Variants in SPC25 observed in about 807,000 individuals in gnomAD.
SPC25 encodes SPC25 component of NDC80 kinetochore complex.
Under a neutral mutation model 29.6 loss-of-function variants are expected in SPC25, and 22 were observed. That is an observed-to-expected ratio of 0.74 (90% CI 0.53 to 1.06). The LOEUF (loss-of-function observed/expected upper bound fraction) is 1.06, where lower values mean the gene tolerates loss of function less well. Among genes scored for constraint, SPC25 ranks in the 50% least tolerant of loss-of-function variants. SPC25 has a pLI of 0.00. For missense variants in SPC25, 230 were observed against 255.8 expected, an observed-to-expected ratio of 0.90 and a Z score of 0.69; for synonymous variants, 91 against 90.4, an observed-to-expected ratio of 1.01 and a Z score of -0.04.
chr2:168,870,248 A>G (rs553884769), downstream of SPC25, among the ~76,000 whole-genome samples: 2,395 of 151,930 alleles, frequency 0.016, 76 homozygotes, highest in African/African-American at 0.055. Flanking sequence ...TAAAACCATA[A>G]AAACCCTAGA....
At chr2:168,880,733 AC>A (rs1337682832) in intron 3 of SPC25, among the ~76,000 whole-genome samples, 1 of 152,208 alleles carries the variant, frequency 6.6e-6, no homozygotes, top group Admixed American at 6.5e-5. Flanking sequence ...ATTAGAGGTC[AC>A]TATAGGGTTA....
Position 168,871,422 on chromosome 2 carries a change from A to G in SPC25, c.*9T>C. ...AAAATAAACCGTTTTTATATACACT[A>G]TTTGTATGTTAATTATAAACCGTGG... On this transcript the variant is annotated 3_prime_UTR_variant, in exon 7 of 7. Coordinates refer to ENST00000282074, the MANE Select transcript of SPC25 (RefSeq NM_020675.4). 1 of 1,592,516 alleles carries G rather than the reference A, an allele frequency of 6.3e-7. No individual in the cohort carries two copies. The highest frequency in any genetic ancestry group is 1.7e-4 in the Middle Eastern group (1 of 5,932).
Position 168,871,404 on chromosome 2 carries a change from A to G in SPC25, c.*27T>C, listed in dbSNP as rs767697505. The G allele has an allele frequency of 2.0e-5, 32 of 1,561,214 alleles. No individual in the cohort carries two copies. In the East Asian group the frequency reaches 7.0e-4, roughly 34 times the overall value. On this transcript the variant is annotated 3_prime_UTR_variant, in exon 7 of 7. Coordinates refer to ENST00000282074, the MANE Select transcript of SPC25 (RefSeq NM_020675.4). Reference sequence around the variant, plus strand: ...GATATGTAATAGAGAAGAAAAATAAACCGTTTTTATATACACTATTTGTAT... The same window carrying G: ...GATATGTAATAGAGAAGAAAAATAAGCCGTTTTTATATACACTATTTGTAT...
chr2:168,877,183 G>A, intron 4 of SPC25, 55 bp downstream of exon 4: 1 of 1,585,134 alleles, frequency 6.3e-7, no homozygotes, highest in Non-Finnish European at 8.6e-7. Context: ...CTTAATAAAG[G>A]TGAACCGTCA....
intron 3 of SPC25, 91 bp from the exon 4 acceptor site, chr2:168,877,475 T>C: frequency 7.0e-7 from 1 of 1,419,764 alleles, no homozygotes; most frequent in African/African-American, 1.5e-5. Flanking sequence ...TTCATAAAGA[T>C]TAATAAAGAA....
Position 168,876,183 on chromosome 2 carries a change from A to G in SPC25, c.347-7T>C, listed in dbSNP as rs1397970020. 6.6e-7 allele frequency: 1 copy of G among 1,522,194 alleles called. No homozygotes were observed. 94.3% of individuals were successfully genotyped at this position (1,522,194 alleles called of 1,614,324 possible). A position where few individuals can be genotyped will look rare whatever the true frequency, so the allele number is the denominator to read the frequency against. The stretch of plus-strand genomic sequence containing the variant: ...TTATTAGCAGTAGAAATAGCTGATT[A>G]AAAAACACACACAATATTAAATGTT... On this transcript the variant is annotated splice_region_variant and splice_polypyrimidine_tract_variant and intron_variant, in intron 4 of 6. Coordinates refer to ENST00000282074, the MANE Select transcript of SPC25 (RefSeq NM_020675.4).
chr2:168,879,215 C>A (rs554231030), intron 3 of SPC25, among the ~76,000 whole-genome samples: 1 of 152,234 alleles, frequency 6.6e-6, no homozygotes, highest in Admixed American at 6.5e-5. Context: ...TTAATCAACT[C>A]TTTCATGAAA....
chr2:168,871,480 G>A lies in SPC25; in HGVS notation c.626C>T (p.Ala209Val). ...ENVRKTNNFS[A>V]FLANVRKAFT... ...AGCTTTCCGAACATTGGCAAGAAAA[G>A]CTGAAAAATTGTTGGTCTTCCTTAC... Residue 209 changes from alanine (A) to valine (V), a missense_variant, in exon 7 of 7, where the codon GCT becomes GTT. Coordinates refer to ENST00000282074, the MANE Select transcript of SPC25 (RefSeq NM_020675.4). 6.2e-7 allele frequency: 1 copy of A among 1,610,834 alleles called. No individual in the cohort carries two copies. Among genetic ancestry groups the A allele is most frequent in the Non-Finnish European group, 8.5e-7 (1 of 1,178,656 alleles).
At chr2:168,875,617 C>A (rs568965010) in intron 5 of SPC25, among the ~76,000 whole-genome samples, 2 of 152,112 alleles carry the variant, frequency 1.3e-5, no homozygotes, top group South Asian at 4.1e-4. Flanking sequence ...GTAACAGAAA[C>A]CGTGAATAAG....
rs1448351485 is a variant in SPC25, at chr2:168,862,088, A to G, written n.419+11497T>C. The G allele has an allele frequency of 1.9e-6, 3 of 1,559,932 alleles. No homozygotes were observed. In the Admixed American group the frequency reaches 5.0e-5, roughly 26 times the overall value. ...TCAAATATTTTAATTGCCTTCCCAT[A>G]TTGAGATTCTTAGCATGAATAAAAC... On this transcript the variant is annotated intron_variant and non_coding_transcript_variant, in intron 4 of 4. Transcript: ENST00000479309.
intron 3 of SPC25, among the ~76,000 whole-genome samples, chr2:168,887,924 G>T (rs745768188): frequency 3.3e-5 from 5 of 152,164 alleles, no homozygotes; most frequent in Non-Finnish European, 7.3e-5. Context: ...CAAGTATAGT[G>T]CTGAGTGAAA....
chr2:168,877,283 C>T lies in SPC25; in HGVS notation c.301G>A (p.Ala101Thr), dbSNP rs767398352. 6 of 1,613,730 alleles carry T rather than the reference C, an allele frequency of 3.7e-6. No individual in the cohort carries two copies. Among genetic ancestry groups the T allele is most frequent in the Non-Finnish European group, 5.1e-6 (6 of 1,179,792 alleles). The change falls in exon 4 of 7, where the codon GCA (alanine) becomes ACA (threonine). Residue 101 changes from alanine (A) to threonine (T), a missense_variant. Transcript: ENST00000282074. Reference sequence around the variant, plus strand: ...TCTTCCTTAAGATCCTGGATATTTGCAGTCAGTACTTCCAATTCCTGCTTT... The same window carrying T: ...TCTTCCTTAAGATCCTGGATATTTGTAGTCAGTACTTCCAATTCCTGCTTT... The part of the protein sequence containing the change: ...GKKQELEVLT[A>T]NIQDLKEEYS...
chr2:168,889,070 C>CACATATAT (rs1559158797), intron 3 of SPC25, among the ~76,000 whole-genome samples, 156 bp downstream of exon 3: 1 of 61,850 alleles, frequency 1.6e-5, no homozygotes, highest in African/African-American at 5.1e-5. Context: ...TATATATATA[C>CACATATAT]ACATATATAT....
Position 168,873,610 on chromosome 2 carries a change from A to G in SPC25, c.525T>C (p.His175=), listed in dbSNP as rs1183998220. Residue 175 remains histidine, a synonymous_variant, in exon 6 of 7, where the codon CAT becomes CAC. Transcript: ENST00000282074. ...CTTCATAGTCCCTTGCTTCATTGAG[A>G]TGTAAGGAAAACATAAATGGGCTCT... is the stretch of plus-strand genomic sequence containing the variant. The part of the protein sequence containing the change: ...NPESPFMFSL[H]LNEARDYEVS... The G allele has an allele frequency of 6.2e-7, 1 of 1,611,032 alleles. No individual in the cohort carries two copies. Among genetic ancestry groups the G allele is most frequent in the African/African-American group, 1.3e-5 (1 of 74,826 alleles).
At chr2:168,889,563 A>C in intron 1 of SPC25, 30 bp from the exon 2 acceptor site, 2 of 1,582,748 alleles carry the variant, frequency 1.3e-6, no homozygotes, top group South Asian at 2.3e-5. Context: ...TGCATTTTTT[A>C]AGTTACTGAA....
At chr2:168,863,313 G>A (rs1457244577) in intron 4 of SPC25, 2 of 727,916 alleles carry the variant, frequency 2.7e-6, no homozygotes, top group East Asian at 2.7e-4. Flanking sequence ...TTTAAGAATA[G>A]TGATTTATGA....
intron 6 of SPC25, 130 bp from the exon 7 acceptor site, chr2:168,871,685 A>ACTT (rs1330930200): frequency 1.2e-6 from 1 of 839,420 alleles, no homozygotes. Context: ...CTTTGAGCAA[A>ACTT]AAAGGATACA....
intron 5 of SPC25, among the ~76,000 whole-genome samples, chr2:168,874,065 C>A (rs1044502162): frequency 1.1e-4 from 16 of 151,970 alleles, no homozygotes; most frequent in Admixed American, 3.9e-4. Context: ...CAATAATGGG[C>A]AAAAAATCTG....
chr2:168,889,569 C>G lies in SPC25; in HGVS notation c.-14-36G>C, dbSNP rs2272060. On this transcript the variant is annotated intron_variant, in intron 1 of 6. Coordinates refer to ENST00000282074, the MANE Select transcript of SPC25 (RefSeq NM_020675.4). Reference sequence around the variant, plus strand: ...AATACATATTGCATTTTTTAAGTTACTGAAATCAAATCACCCACATATTCC... The same window carrying G: ...AATACATATTGCATTTTTTAAGTTAGTGAAATCAAATCACCCACATATTCC... 44 of 1,575,848 alleles carry G rather than the reference C, an allele frequency of 2.8e-5. No individual in the cohort carries two copies. In the Middle Eastern group the frequency reaches 5.1e-4, roughly 18 times the overall value.
Sources: allele counts gnomAD v4.1 joint callset (sites outside exome capture counted in the v4.1 genomes callset), GRCh38; gene constraint gnomAD v4.1.1; transcripts MANE v1.5; gene names NCBI Gene and HGNC (gene_info 2026-07-23, HGNC 2026-07-21).